The following KCTD16 variants were observed in gnomAD, a reference collection of about 807,000 sequenced individuals.
KCTD16 encodes BTB/POZ domain-containing protein KCTD16.
A neutral mutation model predicts 33.2 loss-of-function variants in KCTD16; 13 were observed. The observed-to-expected ratio is 0.39, with a 90% CI of 0.25 to 0.62. The LOEUF is 0.62. KCTD16 is among the 20% of genes least tolerant of loss of function. KCTD16 has a pLI of 0.50. For missense variants in KCTD16, 441 were observed against 525.1 expected (o/e 0.84, Z 1.57); for synonymous variants, 197 against 195.3 (o/e 1.01, Z -0.07).
At chr5:144,228,691 G>T (rs1013994373) in intron 3 of KCTD16, among the ~76,000 whole-genome samples, 1 of 152,178 alleles carries the variant, frequency 6.6e-6, no homozygotes, top group African/African-American at 2.4e-5. Context: ...AACAATTCAG[G>T]AGATAAGTGG....
chr5:144,420,729 A>G (rs1295662166), intron 3 of KCTD16, among the ~76,000 whole-genome samples: 1 of 152,082 alleles, frequency 6.6e-6, no homozygotes, highest in Non-Finnish European at 1.5e-5. Flanking sequence ...TTTATCTCTG[A>G]TAAAACCAAA....
chr5:144,469,296 G>A (rs909541557), intron 3 of KCTD16, among the ~76,000 whole-genome samples: 4 of 152,078 alleles, frequency 2.6e-5, no homozygotes, highest in African/African-American at 7.2e-5. Flanking sequence ...CACAGTATGC[G>A]CTTGTGGTCA....
intron 3 of KCTD16, among the ~76,000 whole-genome samples, chr5:144,434,227 T>A (rs1273332361): frequency 6.6e-6 from 1 of 152,154 alleles, no homozygotes; most frequent in Non-Finnish European, 1.5e-5. Flanking sequence ...GTGGGAAGAT[T>A]TACCTTTCTG....
At chr5:144,299,072 A>ATATATATATATATATTTTTT (rs1491103244) in intron 3 of KCTD16, among the ~76,000 whole-genome samples, 9 of 57,434 alleles carry the variant, frequency 1.6e-4, no homozygotes, top group Admixed American at 3.8e-4. Context: ...ATATATATAT[A>ATATATATATATATATTTTTT]TTTTTGTATA....
At chr5:144,444,777 T>C (rs1753784844) in intron 3 of KCTD16, among the ~76,000 whole-genome samples, 1 of 151,498 alleles carries the variant, frequency 6.6e-6, no homozygotes, top group Admixed American at 6.6e-5. Context: ...TTACTAGAAA[T>C]ATATTGTTGT....
intron 3 of KCTD16, among the ~76,000 whole-genome samples, chr5:144,388,981 G>A (rs1752392374): frequency 6.6e-6 from 1 of 152,188 alleles, no homozygotes; most frequent in African/African-American, 2.4e-5. Context: ...GTGATGTTAT[G>A]TGGGTGTTTT....
intron 2 of KCTD16, among the ~76,000 whole-genome samples, chr5:144,186,965 TCCCTTCCCTCTCAGCGC>T (rs1752739512): frequency 6.6e-6 from 1 of 152,092 alleles, no homozygotes; most frequent in Non-Finnish European, 1.5e-5. Flanking sequence ...ATAATAATGA[TCCCTTCCCTCTCAGCGC>T]TTACAGTGTC....
chr5:144,221,379 C>T (rs1037587754), intron 3 of KCTD16, among the ~76,000 whole-genome samples: 13 of 152,072 alleles, frequency 8.5e-5, no homozygotes, highest in African/African-American at 3.1e-4. Context: ...CATCCCATCA[C>T]CTACATTAGG....
chr5:144,409,933 C>T (rs145826370), intron 3 of KCTD16, among the ~76,000 whole-genome samples: 39 of 152,204 alleles, frequency 2.6e-4, no homozygotes, highest in Admixed American at 3.3e-4. Context: ...GCATCTAATG[C>T]GAATATGAGA....
intron 3 of KCTD16, among the ~76,000 whole-genome samples, chr5:144,352,187 G>A (rs142156689): frequency 1.7e-4 from 26 of 152,176 alleles, no homozygotes; most frequent in African/African-American, 6.0e-4. Flanking sequence ...TAAAGCAGAG[G>A]CATAATATGA....
chr5:144,426,780 T>C (rs1329631467), intron 3 of KCTD16, among the ~76,000 whole-genome samples: 1 of 152,066 alleles, frequency 6.6e-6, no homozygotes, highest in African/African-American at 2.4e-5. Flanking sequence ...TGAACTTATC[T>C]TTTTTATCAA....
intron 3 of KCTD16, among the ~76,000 whole-genome samples, chr5:144,253,163 G>C (rs1401379181): frequency 6.6e-6 from 1 of 151,774 alleles, no homozygotes; most frequent in South Asian, 2.1e-4. Flanking sequence ...TTATCCCCAG[G>C]CCAACATGTT....
chr5:144,416,491 A>G (rs903824366), intron 3 of KCTD16, among the ~76,000 whole-genome samples: 3 of 152,192 alleles, frequency 2.0e-5, no homozygotes, highest in African/African-American at 7.2e-5. Flanking sequence ...AAGAACTAAG[A>G]TGTGTTAGAC....
At position 144,297,447 on chromosome 5, in the gene KCTD16, A is replaced by G. The variant is rs575101581; in HGVS notation, c.832+89901A>G. Among the ~76,000 whole-genome samples the G allele has an allele frequency of 2.0e-5, 3 of 152,358 alleles. No homozygotes were observed. The South Asian group carries it at 6.2e-4, about 32-fold the overall frequency. On this transcript the variant is annotated intron_variant, in intron 3 of 3. Coordinates refer to ENST00000512467, the MANE Select transcript of KCTD16 (RefSeq NM_020768.4). ...TCTACAAGGCCGGATATCTCTCCTT[A>G]TAGTCCCAAGTTGGCTACAGAGGTT... is the stretch of plus-strand genomic sequence containing the variant.
At chr5:144,397,881 A>T (rs1752610247) in intron 3 of KCTD16, among the ~76,000 whole-genome samples, 1 of 152,200 alleles carries the variant, frequency 6.6e-6, no homozygotes, top group Non-Finnish European at 1.5e-5. Flanking sequence ...AAAAGAATTT[A>T]TCTCTGATGT....
intron 3 of KCTD16, among the ~76,000 whole-genome samples, chr5:144,290,356 C>A (rs951236519): frequency 6.6e-6 from 1 of 152,066 alleles, no homozygotes; most frequent in African/African-American, 2.4e-5. Flanking sequence ...TATCGTATTT[C>A]TTTGGGGAAA....
intron 3 of KCTD16, among the ~76,000 whole-genome samples, chr5:144,459,966 G>A (rs1192975968): frequency 1.3e-5 from 2 of 150,966 alleles, no homozygotes; most frequent in Non-Finnish European, 2.9e-5. Flanking sequence ...CGAGTTAACT[G>A]GGACTACAGG....
intron 3 of KCTD16, among the ~76,000 whole-genome samples, chr5:144,345,822 C>A (rs1752783933): frequency 6.6e-6 from 1 of 152,032 alleles, no homozygotes; most frequent in Non-Finnish European, 1.5e-5. Context: ...GGTAACCATC[C>A]CCTCAAGCAT....
At chr5:144,359,614 C>T (rs758427426) in intron 3 of KCTD16, among the ~76,000 whole-genome samples, 7 of 151,402 alleles carry the variant, frequency 4.6e-5, no homozygotes, top group Non-Finnish European at 7.4e-5. Context: ...CCCTCCAACA[C>T]TTGGCAGTAT....
Sources: allele counts gnomAD v4.1 joint callset (sites outside exome capture counted in the v4.1 genomes callset), GRCh38; gene constraint gnomAD v4.1.1; transcripts MANE v1.5; gene names NCBI Gene and HGNC (gene_info 2026-07-23, HGNC 2026-07-21).